DNM3: variants seen among roughly 807,000 people sequenced by gnomAD.
DNM3 encodes the protein dynamin 3, also known as dynamin-3.
DNM3 carries 47 observed loss-of-function variants against 101.6 expected under a neutral mutation model. The observed-to-expected ratio is 0.46, with a 90% CI of 0.37 to 0.59. DNM3 has a LOEUF of 0.59. Among genes scored for constraint, DNM3 ranks in the 20% least tolerant of loss-of-function variants. DNM3 has a pLI of 0.00. For synonymous variants in DNM3, 385 were observed against 387.9 expected (o/e 0.99, Z 0.09); for missense variants, 849 against 1,085.7 (o/e 0.78, Z 3.06).
At chr1:172,019,666 A>AT (rs60336390) in intron 4 of DNM3, among the ~76,000 whole-genome samples, 7 of 147,936 alleles carry the variant, frequency 4.7e-5, no homozygotes, top group Middle Eastern at 3.4e-3. Flanking sequence ...ACCCCCTAGT[A>AT]TTTTTTTTTT....
At chr1:172,246,795 A>G (rs2061971445) in intron 14 of DNM3, among the ~76,000 whole-genome samples, 2 of 152,126 alleles carry the variant, frequency 1.3e-5, no homozygotes, top group South Asian at 2.1e-4. Flanking sequence ...TACTCAGAGC[A>G]TGAAGGGCTT....
At chr1:172,224,441 C>T (rs1400581955) in intron 14 of DNM3, among the ~76,000 whole-genome samples, 4 of 151,932 alleles carry the variant, frequency 2.6e-5, no homozygotes, top group African/African-American at 9.7e-5. Context: ...CAAAGTGATC[C>T]AGGTCCTTTT....
chr1:171,889,063 T>C (rs183444715), intron 1 of DNM3, among the ~76,000 whole-genome samples: 5 of 152,330 alleles, frequency 3.3e-5, no homozygotes, highest in Admixed American at 2.6e-4. Flanking sequence ...CACTGTAGCC[T>C]CAACCTGCCT....
chr1:171,854,445 G>A (rs554053514), intron 1 of DNM3, among the ~76,000 whole-genome samples: 1 of 152,106 alleles, frequency 6.6e-6, no homozygotes, highest in Non-Finnish European at 1.5e-5. Context: ...CAGAATTTGG[G>A]TGCCTTTAGA....
chr1:172,330,430 T>C (rs1159076098), intron 17 of DNM3, among the ~76,000 whole-genome samples: 2 of 152,150 alleles, frequency 1.3e-5, no homozygotes, highest in Non-Finnish European at 2.9e-5. Context: ...ATGAGATATA[T>C]ACATATATGT....
In DNM3 at chr1:171,944,854, C is replaced by CTTTTTTTTTTTT. The variant is rs1491537348; in HGVS notation, c.235+23033_235+23034insTTTTTTTTTTTT. On this transcript the variant is annotated intron_variant, in intron 2 of 20. Transcript: ENST00000627582. ...TTTGTTTTCTTTTTTTTTGGTGTTT[C>CTTTTTTTTTTTT]CTTTTTTTTTTTTTTTTTTTTTTTT... 1.3e-4 allele frequency among the ~76,000 whole-genome samples: 5 copies of CTTTTTTTTTTTT among 37,588 alleles called. 2 individuals carry two copies. Among genetic ancestry groups the CTTTTTTTTTTTT allele is most frequent in the Non-Finnish European group, 1.1e-4 (2 of 18,632 alleles). 24.7% of individuals were successfully genotyped at this position (37,588 alleles called of 152,430 possible).
At chr1:171,932,084 CTCCCTTCCTCCCTTCT>C (rs2041066984) in intron 2 of DNM3, among the ~76,000 whole-genome samples, 1 of 133,632 alleles carries the variant, frequency 7.5e-6, no homozygotes, top group Non-Finnish European at 1.6e-5. Context: ...CCCTCCCTCC[CTCCCTTCCTCCCTTCT>C]TCCCTTCCTC....
chr1:171,894,701 C>T (rs1210849858), intron 1 of DNM3, among the ~76,000 whole-genome samples: 2 of 152,206 alleles, frequency 1.3e-5, no homozygotes, highest in Non-Finnish European at 2.9e-5. Flanking sequence ...TCGTCATTTA[C>T]ATTAGGTATT....
intron 14 of DNM3, among the ~76,000 whole-genome samples, chr1:172,169,221 CT>C (rs1189193276): frequency 6.6e-6 from 1 of 151,860 alleles, no homozygotes; most frequent in Non-Finnish European, 1.5e-5. Flanking sequence ...GAAGAAGCCT[CT>C]CTACCAATTC....
intron 2 of DNM3, among the ~76,000 whole-genome samples, chr1:171,946,936 C>T (rs1467065656): frequency 6.6e-6 from 1 of 152,184 alleles, no homozygotes; most frequent in East Asian, 1.9e-4. Context: ...TAGCACCAAG[C>T]CATTCAGGAG....
At chr1:172,040,745 A>G (rs2125832748) in intron 7 of DNM3, among the ~76,000 whole-genome samples, 1 of 152,288 alleles carries the variant, frequency 6.6e-6, no homozygotes, top group East Asian at 1.9e-4. Context: ...GATCATGAAA[A>G]GTTTCTGGGA....
chr1:171,979,247 T>C (rs2044603868), intron 2 of DNM3, among the ~76,000 whole-genome samples: 1 of 152,190 alleles, frequency 6.6e-6, no homozygotes, highest in Admixed American at 6.5e-5. Flanking sequence ...TTGCAACTTT[T>C]GGCCAAGTGC....
chr1:172,343,971 T>G (rs979866871), intron 17 of DNM3, among the ~76,000 whole-genome samples: 1 of 152,208 alleles, frequency 6.6e-6, no homozygotes, highest in African/African-American at 2.4e-5. Context: ...TTTTAAAATA[T>G]AAACTTTCCT....
chr1:172,000,076 G>A (rs1295469941), intron 4 of DNM3, among the ~76,000 whole-genome samples: 1 of 152,070 alleles, frequency 6.6e-6, no homozygotes, highest in African/African-American at 2.4e-5. Context: ...TTTGAGACTA[G>A]TTGAATTGAG....
At chr1:172,241,745 C>G (rs2061755440) in intron 14 of DNM3, among the ~76,000 whole-genome samples, 1 of 152,120 alleles carries the variant, frequency 6.6e-6, no homozygotes, top group South Asian at 2.1e-4. Flanking sequence ...CCCATCACCT[C>G]TGCTGTGATT....
At chr1:171,910,069 A>G (rs972819105) in intron 1 of DNM3, among the ~76,000 whole-genome samples, 1 of 152,200 alleles carries the variant, frequency 6.6e-6, no homozygotes, top group Non-Finnish European at 1.5e-5. Context: ...ACCTTTTCTC[A>G]TGGAAGACAG....
chr1:172,035,507 G>A (rs999503161), intron 6 of DNM3, among the ~76,000 whole-genome samples: 9 of 152,146 alleles, frequency 5.9e-5, no homozygotes, highest in Non-Finnish European at 1.0e-4. Context: ...ATTGTCCAAG[G>A]AAATAGAGAA....
At chr1:171,945,300 T>C (rs2042103730) in intron 2 of DNM3, among the ~76,000 whole-genome samples, 1 of 152,146 alleles carries the variant, frequency 6.6e-6, no homozygotes, top group Admixed American at 6.5e-5. Context: ...TTTAAGAGAC[T>C]ATTGTATAGA....
chr1:172,008,694 C>T (rs2046864004), intron 4 of DNM3, among the ~76,000 whole-genome samples: 1 of 148,156 alleles, frequency 6.7e-6, no homozygotes, highest in African/African-American at 2.5e-5. Context: ...TGTCCTTTCT[C>T]CATGGAATTA....
Sources: gnomAD v4.1 joint callset for allele counts (sites outside exome capture counted in the v4.1 genomes callset) on GRCh38, gnomAD v4.1.1 for gene constraint, MANE v1.5 for transcripts, NCBI Gene and HGNC (gene_info 2026-07-23, HGNC 2026-07-21) for gene names.